The following MYO3A variants were observed in gnomAD, a reference collection of about 807,000 sequenced individuals.
MYO3A encodes myosin IIIA, also known as myosin-IIIa.
Under a neutral mutation model 192.7 loss-of-function variants are expected in MYO3A, and 180 were observed. That is an observed-to-expected ratio of 0.93 (90% CI 0.83 to 1.06). MYO3A has a LOEUF of 1.06. Ranked by LOEUF, MYO3A falls within the 50% of genes least tolerant of loss-of-function variation. The pLI, the probability that MYO3A is intolerant of heterozygous loss-of-function variation, is 0.00. For missense variants in MYO3A, 1,896 were observed against 1,905.0 expected (o/e 1.00, Z 0.09); for synonymous variants, 628 against 645.3 (o/e 0.97, Z 0.41).
At chr10:26,094,633 C>A (rs1836900888) in intron 15 of MYO3A, among the ~76,000 whole-genome samples, 1 of 151,968 alleles carries the variant, frequency 6.6e-6, no homozygotes, top group African/African-American at 2.4e-5. Context: ...ACCGTGTTAG[C>A]CAGGATGGTC....
At chr10:26,021,797 A>T (rs1184593219) in intron 8 of MYO3A, 149 bp downstream of exon 8, 12 of 1,081,354 alleles carry the variant, frequency 1.1e-5, no homozygotes, top group Non-Finnish European at 8.2e-6. Context: ...GCTTCTTCTG[A>T]GACATTGTAT....
chr10:26,005,572 T>C (rs1841142923), intron 6 of MYO3A, among the ~76,000 whole-genome samples: 1 of 152,142 alleles, frequency 6.6e-6, no homozygotes, highest in Admixed American at 6.6e-5. Flanking sequence ...TACAAACAAA[T>C]ATATAGGAGT....
chr10:25,974,092 G>A (rs1404100259), intron 4 of MYO3A, among the ~76,000 whole-genome samples: 1 of 152,096 alleles, frequency 6.6e-6, no homozygotes, highest in East Asian at 1.9e-4. Flanking sequence ...TCGACAAATG[G>A]GATCTAATTC....
At chr10:26,116,915 T>C (rs1186621232) in intron 17 of MYO3A, among the ~76,000 whole-genome samples, 1 of 152,168 alleles carries the variant, frequency 6.6e-6, no homozygotes, top group Non-Finnish European at 1.5e-5. Context: ...GAGTTGTTAC[T>C]CCTTTCCCCA....
At chr10:26,163,452 G>A (rs1357648364) in intron 26 of MYO3A, among the ~76,000 whole-genome samples, 1 of 152,168 alleles carries the variant, frequency 6.6e-6, no homozygotes, top group Non-Finnish European at 1.5e-5. Context: ...GGAGGCAATT[G>A]CAAAAGTCTA....
chr10:25,954,739 A>T, intron 3 of MYO3A, 135 bp from the exon 4 acceptor site: 2 of 867,642 alleles, frequency 2.3e-6, no homozygotes, highest in South Asian at 3.1e-5. Context: ...AAATTACAAT[A>T]CATAATACTA....
At chr10:26,154,036 C>G (rs1840954115) in intron 24 of MYO3A, 107 bp downstream of exon 24, 3 of 827,948 alleles carry the variant, frequency 3.6e-6, no homozygotes, top group Non-Finnish European at 6.1e-6. Flanking sequence ...AGTTTTTCTC[C>G]CTTTGATCTT....
At position 26,109,174 on chromosome 10, in the gene MYO3A, T is replaced by C. The variant is rs372509342; in HGVS notation, c.1777-11502T>C. Among the ~76,000 whole-genome samples, 161 of 152,332 alleles carry C rather than the reference T, an allele frequency of 1.1e-3. 3 individuals carry two copies. In the South Asian group the frequency reaches 0.031, roughly 30 times the overall value. Reference sequence around the variant, plus strand: ...AAATGTAGAATAATGATATGACAAGTTGCCCACTCTAACTTAAGAAATGAG... The same window carrying C: ...AAATGTAGAATAATGATATGACAAGCTGCCCACTCTAACTTAAGAAATGAG... On this transcript the variant is annotated intron_variant, in intron 17 of 34. Transcript: ENST00000642920.
chr10:26,107,582 A>T (rs1044536007), intron 17 of MYO3A, among the ~76,000 whole-genome samples: 4 of 149,526 alleles, frequency 2.7e-5, no homozygotes, highest in African/African-American at 9.8e-5. Context: ...TTCTTCTATG[A>T]TAATTATCTT....
intron 20 of MYO3A, among the ~76,000 whole-genome samples, chr10:26,137,859 C>A (rs1032362849): frequency 6.6e-6 from 1 of 152,154 alleles, no homozygotes; most frequent in African/African-American, 2.4e-5. Flanking sequence ...TGGGGAAAAA[C>A]CCCACCCTGG....
intron 4 of MYO3A, among the ~76,000 whole-genome samples, chr10:25,956,495 A>ATTTTTTTTTTTTTTTTTTTTTTTTTTT (rs562368305): frequency 2.3e-5 from 3 of 128,846 alleles, no homozygotes; most frequent in Non-Finnish European, 3.3e-5. Flanking sequence ...GCCCAGCTAA[A>ATTTTTTTTTTTTTTTTTTTTTTTTTTT]TTTTTTTTTT....
intron 4 of MYO3A, among the ~76,000 whole-genome samples, chr10:25,995,572 A>G (rs951165538): frequency 1.3e-5 from 2 of 151,994 alleles, no homozygotes; most frequent in African/African-American, 4.8e-5. Context: ...GGAGGAGGAG[A>G]GGTGCTGTGA....
chr10:26,191,009 T>C (rs541966006), intron 31 of MYO3A, among the ~76,000 whole-genome samples: 109 of 152,346 alleles, frequency 7.2e-4, no homozygotes, highest in Admixed American at 3.5e-3. Flanking sequence ...ATGATAGTAA[T>C]GTTCTGATAT....
intron 14 of MYO3A, among the ~76,000 whole-genome samples, chr10:26,081,139 C>CA (rs1554820874): frequency 2.8e-5 from 3 of 106,222 alleles, no homozygotes; most frequent in South Asian, 3.3e-4. Context: ...CCCTTCCCCC[C>CA]CCCCCCGCCC....
intron 19 of MYO3A, among the ~76,000 whole-genome samples, chr10:26,127,757 A>T (rs1589003795): frequency 2.6e-5 from 1 of 38,886 alleles, no homozygotes; most frequent in African/African-American, 7.0e-5. Flanking sequence ...GACCAATAGT[A>T]AAAAAAAAAA....
At chr10:26,043,149 G>GTC (rs59621862) in intron 10 of MYO3A, among the ~76,000 whole-genome samples, 31,310 of 143,104 alleles carry the variant, frequency 0.22, 3,302 homozygotes, top group East Asian at 0.28. Context: ...GCCAAACAGA[G>GTC]TCTCTCTCTC....
intron 20 of MYO3A, among the ~76,000 whole-genome samples, chr10:26,133,019 A>G (rs988288712): frequency 4.6e-5 from 7 of 152,238 alleles, no homozygotes; most frequent in Admixed American, 1.3e-4. Flanking sequence ...TACATTATAA[A>G]GTAAAAACCA....
At chr10:26,056,363 A>G (rs1464219580) in intron 10 of MYO3A, among the ~76,000 whole-genome samples, 1 of 152,198 alleles carries the variant, frequency 6.6e-6, no homozygotes, top group Non-Finnish European at 1.5e-5. Flanking sequence ...GGTATGATAT[A>G]TACATAATGG....
intron 4 of MYO3A, among the ~76,000 whole-genome samples, chr10:25,974,725 T>G (rs1405057943): frequency 1.3e-5 from 2 of 152,208 alleles, no homozygotes; most frequent in Non-Finnish European, 2.9e-5. Context: ...TTATGACAAT[T>G]TCCAAAAACT....
Sources: allele counts gnomAD v4.1 joint callset (sites outside exome capture counted in the v4.1 genomes callset), GRCh38; gene constraint gnomAD v4.1.1; transcripts MANE v1.5; gene names NCBI Gene and HGNC (gene_info 2026-07-23, HGNC 2026-07-21).